The following ABHD3 variants were observed in gnomAD, a reference collection of about 807,000 sequenced individuals.
The protein encoded by ABHD3 is abhydrolase domain containing 3, phospholipase.
ABHD3 carries 46 observed loss-of-function variants against 48.8 expected under a neutral mutation model. The ratio of observed to expected loss-of-function variants is 0.94; its 90% CI spans 0.74 to 1.20. The LOEUF (loss-of-function observed/expected upper bound fraction) is 1.20. Ranked by LOEUF, ABHD3 falls within the 50% of genes most tolerant of loss-of-function variation. The probability of loss-of-function intolerance (pLI) is 0.00; values close to 1 mark genes in which losing one functional copy is unlikely to be tolerated. For synonymous variants in ABHD3, 192 were observed against 183.7 expected (o/e 1.04, Z -0.36); for missense variants, 490 against 497.8 (o/e 0.98, Z 0.15).
intron 3 of ABHD3, among the ~76,000 whole-genome samples, chr18:21,697,074 C>CTTT (rs781661076): frequency 7.4e-5 from 10 of 135,716 alleles, no homozygotes; most frequent in African/African-American, 1.2e-4. Context: ...ATTCTATTAA[C>CTTT]TTTTTTTTTT....
chr18:21,682,783 T>G (rs1273761938), intron 4 of ABHD3: 2 of 152,262 alleles, frequency 1.3e-5, no homozygotes, highest in Admixed American at 1.3e-4. Flanking sequence ...AGACAGGAGC[T>G]GCTCAAAATG....
rs759467748 is a variant in ABHD3, at chr18:21,659,286, A to G, written c.726T>C (p.Ala242=). 8.7e-6 allele frequency: 14 copies of G among 1,613,742 alleles called. No homozygotes were observed. In the South Asian group the frequency reaches 1.1e-4, roughly 13 times the overall value. Residue 242 remains alanine (A), a synonymous_variant, in exon 6 of 9, where the codon GCT becomes GCC. Coordinates refer to ENST00000289119, the MANE Select transcript of ABHD3 (RefSeq NM_138340.5). ...TGTTCCAACCAACGGAAAAAGTTGC[A>G]GCTGCCATCAAAGGCGTTTTGGACC... is the stretch of plus-strand genomic sequence containing the variant. The part of the protein sequence containing the change: ...KIGSKTPLMA[A]ATFSVGWNTF...
At chr18:21,660,581 ATTGT>A (rs1475906744) in intron 5 of ABHD3, among the ~76,000 whole-genome samples, 1 of 152,138 alleles carries the variant, frequency 6.6e-6, no homozygotes, top group Non-Finnish European at 1.5e-5. Flanking sequence ...TGATATCCTA[ATTGT>A]TTCTCATTAT....
intron 4 of ABHD3, 109 bp downstream of exon 4, chr18:21,683,811 A>G: frequency 9.2e-7 from 1 of 1,082,630 alleles, no homozygotes; most frequent in Admixed American, 3.3e-5. Context: ...ATAAATTTGT[A>G]TTGCTTACAT....
At chr18:21,690,122 T>TA (rs944639381) in intron 3 of ABHD3, among the ~76,000 whole-genome samples, 24 of 144,964 alleles carry the variant, frequency 1.7e-4, no homozygotes, top group East Asian at 8.1e-4. Flanking sequence ...GTAAAGAATT[T>TA]AAAAAAAAAA....
At chr18:21,687,218 T>C (rs554538367) in intron 3 of ABHD3, among the ~76,000 whole-genome samples, 1 of 151,130 alleles carries the variant, frequency 6.6e-6, no homozygotes, top group Non-Finnish European at 1.5e-5. Context: ...CCTGTTTTTA[T>C]TTTTTTTTGA....
At chr18:21,697,026 G>T (rs1479930834) in intron 3 of ABHD3, among the ~76,000 whole-genome samples, 4 of 151,064 alleles carry the variant, frequency 2.6e-5, no homozygotes. Context: ...AGATGGACAG[G>T]TTATCTTCAT....
chr18:21,663,725 A>C lies in ABHD3; in HGVS notation c.668+393T>G. 3.3e-6 allele frequency: 5 copies of C among 1,535,642 alleles called. No homozygotes were observed. In the South Asian group the frequency reaches 5.9e-5, roughly 18 times the overall value. The stretch of plus-strand genomic sequence containing the variant: ...GCCACTGCAGCTGGAGAGAGCAATA[A>C]GTGATTATTTCTGTAACTGGAGTGA... On this transcript the variant is annotated intron_variant, in intron 5 of 8. Transcript: ENST00000289119.
At chr18:21,659,726 T>C (rs1356228848) in intron 5 of ABHD3, among the ~76,000 whole-genome samples, 2 of 151,936 alleles carry the variant, frequency 1.3e-5, no homozygotes, top group African/African-American at 4.8e-5. Context: ...TGGAGTGCAG[T>C]GGTGCGATCT....
At chr18:21,666,315 T>C (rs1438531384) in intron 4 of ABHD3, among the ~76,000 whole-genome samples, 1 of 152,214 alleles carries the variant, frequency 6.6e-6, no homozygotes, top group African/African-American at 2.4e-5. Flanking sequence ...TGCCTCAGTC[T>C]CCTGAGTAGC....
At chr18:21,664,035 C>A in intron 5 of ABHD3, 83 bp downstream of exon 5, 2 of 1,482,654 alleles carry the variant, frequency 1.3e-6, no homozygotes, top group Non-Finnish European at 1.8e-6. Flanking sequence ...AGTGTCCATA[C>A]AGCTAGCTTA....
intron 5 of ABHD3, among the ~76,000 whole-genome samples, chr18:21,662,985 C>T (rs561364855): frequency 2.0e-5 from 3 of 152,288 alleles, no homozygotes; most frequent in East Asian, 1.9e-4. Flanking sequence ...CGCTAAACTC[C>T]GTCCATTAAG....
intron 4 of ABHD3, among the ~76,000 whole-genome samples, chr18:21,670,520 G>T (rs1409531313): frequency 6.6e-6 from 1 of 152,162 alleles, no homozygotes; most frequent in East Asian, 1.9e-4. Flanking sequence ...CCTCTGCCAA[G>T]CATTCAAGAC....
chr18:21,666,343 A>C (rs1310118825), intron 4 of ABHD3, among the ~76,000 whole-genome samples: 1 of 152,080 alleles, frequency 6.6e-6, no homozygotes, highest in Non-Finnish European at 1.5e-5. Flanking sequence ...ACAGGTACGT[A>C]CCACCACGCC....
At chr18:21,695,941 A>G (rs1198307328) in intron 3 of ABHD3, among the ~76,000 whole-genome samples, 1 of 152,200 alleles carries the variant, frequency 6.6e-6, no homozygotes, top group Non-Finnish European at 1.5e-5. Flanking sequence ...CTAGATTTCA[A>G]TGAACTTACA....
intron 4 of ABHD3, 42 bp from the exon 5 acceptor site, chr18:21,664,272 G>C (rs748399535): frequency 3.2e-6 from 5 of 1,575,406 alleles, no homozygotes; most frequent in Non-Finnish European, 3.5e-6. Context: ...TACAATGTGA[G>C]GTTAATGATT....
At chr18:21,690,944 G>A (rs1411710419) in intron 3 of ABHD3, among the ~76,000 whole-genome samples, 3 of 143,040 alleles carry the variant, frequency 2.1e-5, no homozygotes, top group African/African-American at 5.3e-5. Context: ...GCAGTGAGCC[G>A]AGATCATGCC....
chr18:21,654,713 G>C (rs1189666865), intron 8 of ABHD3, among the ~76,000 whole-genome samples: 1 of 152,196 alleles, frequency 6.6e-6, no homozygotes, highest in East Asian at 1.9e-4. Context: ...TTCTAACAGA[G>C]AGTTACAGTC....
chr18:21,661,284 TTAA>T (rs964143956), intron 5 of ABHD3, among the ~76,000 whole-genome samples: 2 of 152,126 alleles, frequency 1.3e-5, no homozygotes, highest in African/African-American at 4.8e-5. Flanking sequence ...GAAATTAGTG[TTAA>T]TTTTATTCAG....
Sources: allele counts gnomAD v4.1 joint callset (sites outside exome capture counted in the v4.1 genomes callset), GRCh38; gene constraint gnomAD v4.1.1; transcripts MANE v1.5; gene names NCBI Gene and HGNC (gene_info 2026-07-23, HGNC 2026-07-21).